Variants in GLIS3 observed in about 807,000 individuals in gnomAD.
The protein encoded by GLIS3 is zinc finger protein GLIS3.
A neutral mutation model predicts 78.6 loss-of-function variants in GLIS3; 53 were observed. The ratio of observed to expected loss-of-function variants is 0.67; its 90% CI spans 0.54 to 0.85. The LOEUF (loss-of-function observed/expected upper bound fraction) is 0.85. Among genes scored for constraint, GLIS3 ranks in the 40% least tolerant of loss-of-function variants. The probability of loss-of-function intolerance (pLI) is 0.00; values close to 1 mark genes in which losing one functional copy is unlikely to be tolerated. For missense variants in GLIS3, 1,703 were observed against 1,231.1 expected, an observed-to-expected ratio of 1.38 and a Z score of -5.74; for synonymous variants, 684 against 509.9, an observed-to-expected ratio of 1.34 and a Z score of -4.60.
chr9:4,252,690 T>C (rs1445040474), intron 2 of GLIS3, among the ~76,000 whole-genome samples: 1 of 152,148 alleles, frequency 6.6e-6, no homozygotes, highest in Admixed American at 6.6e-5. Context: ...AGAAGAGGTG[T>C]TCTGGGTTTT....
chr9:4,130,746 G>A (rs116406948), intron 2 of GLIS3, among the ~76,000 whole-genome samples: 97 of 152,316 alleles, frequency 6.4e-4, no homozygotes, highest in African/African-American at 2.2e-3. Flanking sequence ...CTAGGGAGGC[G>A]TGGAGGTGAA....
the GLIS3 span, among the ~76,000 whole-genome samples, chr9:4,425,680 G>C: frequency 6.6e-6 from 1 of 152,148 alleles, no homozygotes; most frequent in Admixed American, 6.6e-5. Flanking sequence ...AAACCTCCTG[G>C]GACAGAAGCT....
chr9:4,326,052 C>T (rs1170398808), intron 2 of GLIS3, among the ~76,000 whole-genome samples: 4 of 152,010 alleles, frequency 2.6e-5, no homozygotes, highest in Admixed American at 6.6e-5. Context: ...TGGGGCCTGT[C>T]GGGGGTGGCA....
chr9:4,383,457 C>G, the GLIS3 span, among the ~76,000 whole-genome samples: 1 of 152,090 alleles, frequency 6.6e-6, no homozygotes, highest in Non-Finnish European at 1.5e-5. Flanking sequence ...TATTATGTAT[C>G]AAAGATAACA....
At chr9:4,112,059 T>C (rs1347598614) in intron 4 of GLIS3, among the ~76,000 whole-genome samples, 1 of 152,236 alleles carries the variant, frequency 6.6e-6, no homozygotes, top group Non-Finnish European at 1.5e-5. Flanking sequence ...GAGAACACTC[T>C]ATCTTACCTT....
chr9:4,046,358 G>C (rs1288781588), intron 4 of GLIS3, among the ~76,000 whole-genome samples: 1 of 152,108 alleles, frequency 6.6e-6, no homozygotes, highest in Non-Finnish European at 1.5e-5. Flanking sequence ...GACCCTGAAT[G>C]GTACAGTATG....
At chr9:3,928,705 G>C (rs540082882) in intron 6 of GLIS3, among the ~76,000 whole-genome samples, 5 of 152,128 alleles carry the variant, frequency 3.3e-5, no homozygotes, top group African/African-American at 1.2e-4. Flanking sequence ...TGTTGCATTC[G>C]CGCCCATTTC....
intron 4 of GLIS3, chr9:4,071,401 T>C (rs2130636183): frequency 6.6e-6 from 1 of 152,322 alleles, no homozygotes; most frequent in South Asian, 2.1e-4. Context: ...CAGAAAATGT[T>C]ATCAATTAAC....
At chr9:4,237,902 T>C (rs1822919944) in intron 2 of GLIS3, among the ~76,000 whole-genome samples, 1 of 152,212 alleles carries the variant, frequency 6.6e-6, no homozygotes, top group Admixed American at 6.5e-5. Flanking sequence ...TTCCCTTCCC[T>C]AGTTAATTCA....
chr9:4,340,784 T>C (rs958713786), intron 2 of GLIS3, among the ~76,000 whole-genome samples: 1 of 152,120 alleles, frequency 6.6e-6, no homozygotes, highest in Non-Finnish European at 1.5e-5. Context: ...AACCTCCGCC[T>C]CCTGGGTTCA....
intron 4 of GLIS3, among the ~76,000 whole-genome samples, chr9:4,017,928 A>G (rs770749748): frequency 8.5e-5 from 13 of 152,132 alleles, no homozygotes; most frequent in Non-Finnish European, 1.6e-4. Flanking sequence ...GCTGATTGAA[A>G]CTAATGTCTT....
At chr9:4,177,744 A>C (rs79210712) in intron 2 of GLIS3, among the ~76,000 whole-genome samples, 2 of 152,324 alleles carry the variant, frequency 1.3e-5, no homozygotes, top group African/African-American at 2.4e-5. Flanking sequence ...CTTCATATGG[A>C]AAGTGTTCCT....
At chr9:3,870,988 C>G (rs1820934326) in intron 8 of GLIS3, among the ~76,000 whole-genome samples, 1 of 152,136 alleles carries the variant, frequency 6.6e-6, no homozygotes, top group Admixed American at 6.5e-5. Context: ...TACTTATTTC[C>G]CAGATACAAT....
chr9:4,298,141 C>A (rs1032566163), intron 1 of GLIS3, among the ~76,000 whole-genome samples: 2 of 152,236 alleles, frequency 1.3e-5, no homozygotes, highest in East Asian at 1.9e-4. Flanking sequence ...CGAAAGGGTG[C>A]TGCGGCTGGG....
the GLIS3 span, among the ~76,000 whole-genome samples, chr9:4,379,119 C>T: frequency 4.6e-5 from 7 of 152,214 alleles, no homozygotes; most frequent in Admixed American, 1.3e-4. Flanking sequence ...CACCACTGGA[C>T]TGTAGGAAGG....
At chr9:4,103,997 T>C (rs547691445) in intron 4 of GLIS3, among the ~76,000 whole-genome samples, 3 of 152,268 alleles carry the variant, frequency 2.0e-5, no homozygotes, top group African/African-American at 7.2e-5. Context: ...TCTTCTACTC[T>C]TCTCACCTTC....
At chr9:4,379,845 C>A in the GLIS3 span, among the ~76,000 whole-genome samples, 2 of 152,252 alleles carry the variant, frequency 1.3e-5, no homozygotes, top group South Asian at 4.1e-4. Flanking sequence ...ATATTTGACA[C>A]ACATCATATT....
chr9:4,209,816 C>A (rs1407239137), intron 2 of GLIS3, among the ~76,000 whole-genome samples: 1 of 18,094 alleles, frequency 5.5e-5, no homozygotes, highest in Non-Finnish European at 1.1e-4. Flanking sequence ...AGCATTCCCG[C>A]CCCCCCCCAG....
At chr9:4,167,291 T>C (rs1350744161) in intron 2 of GLIS3, among the ~76,000 whole-genome samples, 1 of 152,230 alleles carries the variant, frequency 6.6e-6, no homozygotes, top group Non-Finnish European at 1.5e-5. Context: ...TAAGAGATCC[T>C]GTGTGGGAGG....
Sources: gnomAD v4.1 joint callset for allele counts (sites outside exome capture counted in the v4.1 genomes callset) on GRCh38, gnomAD v4.1.1 for gene constraint, MANE v1.5 for transcripts, NCBI Gene and HGNC (gene_info 2026-07-23, HGNC 2026-07-21) for gene names.